HGD: variants seen among roughly 807,000 people sequenced by gnomAD.
HGD encodes the protein homogentisate oxidase.
Under a neutral mutation model 60.8 loss-of-function variants are expected in HGD, and 61 were observed. The observed-to-expected ratio is 1.00, with a 90% confidence interval of 0.82 to 1.24. The LOEUF is 1.24. Among genes scored for constraint, HGD ranks in the 50% most tolerant of loss-of-function variants. HGD has a pLI of 0.00. For synonymous variants in HGD, 212 were observed against 187.7 expected (o/e 1.13, Z -1.06); for missense variants, 542 against 547.1 (o/e 0.99, Z 0.09).
At chr3:120,673,874 A>C (rs1006906239) in intron 3 of HGD, among the ~76,000 whole-genome samples, 3 of 152,208 alleles carry the variant, frequency 2.0e-5, no homozygotes, top group Non-Finnish European at 2.9e-5. Flanking sequence ...TGAAATAGGT[A>C]CCATAATTAT....
chr3:120,665,308 A>G (rs549655485), intron 4 of HGD, among the ~76,000 whole-genome samples: 1 of 152,348 alleles, frequency 6.6e-6, no homozygotes, highest in East Asian at 1.9e-4. Flanking sequence ...ACCAAGAGGT[A>G]ATTTTCTCAG....
At chr3:120,632,302 T>C (rs915853183) in intron 13 of HGD, among the ~76,000 whole-genome samples, 3 of 152,176 alleles carry the variant, frequency 2.0e-5, no homozygotes, top group Non-Finnish European at 4.4e-5. Flanking sequence ...CAGGTAGCAT[T>C]GAAGGCATTT....
chr3:120,669,033 G>A (rs200538659), intron 4 of HGD, among the ~76,000 whole-genome samples: 3 of 152,168 alleles, frequency 2.0e-5, no homozygotes, highest in East Asian at 3.9e-4. Context: ...AAGTAATAAC[G>A]ATAATTAGAG....
At chr3:120,661,372 C>T (rs933114873) in intron 4 of HGD, among the ~76,000 whole-genome samples, 1 of 152,094 alleles carries the variant, frequency 6.6e-6, no homozygotes, top group Non-Finnish European at 1.5e-5. Flanking sequence ...TTGTCTAATC[C>T]CCTTATATTA....
chr3:120,631,023 A>C (rs1298938583), intron 13 of HGD, among the ~76,000 whole-genome samples: 1 of 151,878 alleles, frequency 6.6e-6, no homozygotes, highest in Non-Finnish European at 1.5e-5. Context: ...ATGGGAGCTA[A>C]ATGATGAGAA....
At chr3:120,638,883 A>T (rs1940875278) in intron 11 of HGD, among the ~76,000 whole-genome samples, 1 of 152,194 alleles carries the variant, frequency 6.6e-6, no homozygotes, top group African/African-American at 2.4e-5. Context: ...GTGGGAGGTA[A>T]CTGAATCATG....
chr3:120,649,478 C>A (rs532215083), intron 6 of HGD, among the ~76,000 whole-genome samples: 2 of 152,162 alleles, frequency 1.3e-5, no homozygotes, highest in South Asian at 2.1e-4. Flanking sequence ...AAGAATGACT[C>A]CCTTTTGGGT....
At chr3:120,667,287 C>T (rs1449485665) in intron 4 of HGD, among the ~76,000 whole-genome samples, 2 of 133,758 alleles carry the variant, frequency 1.5e-5, no homozygotes, top group Admixed American at 8.4e-5. Flanking sequence ...GATCACACCA[C>T]TGTACTCCCG....
At chr3:120,650,384 T>C (rs1172524592) in intron 6 of HGD, among the ~76,000 whole-genome samples, 1 of 152,262 alleles carries the variant, frequency 6.6e-6, no homozygotes, top group Non-Finnish European at 1.5e-5. Context: ...TCCTGATGGC[T>C]GTGTCGCAGG....
Position 120,652,669 on chromosome 3 carries a change from A to G in HGD, c.283-18T>C. Reference sequence around the variant, plus strand: ...CATCTAAGCTGGAAAAAAAATACACATACAGAAAAATTACTTCACAAGGGT... The same window carrying G: ...CATCTAAGCTGGAAAAAAAATACACGTACAGAAAAATTACTTCACAAGGGT... On this transcript the variant is annotated intron_variant, in intron 4 of 13. Transcript: ENST00000283871. 3.8e-6 allele frequency: 6 copies of G among 1,578,052 alleles called. No individual in the cohort carries two copies. Among genetic ancestry groups the G allele is most frequent in the Non-Finnish European group, 5.2e-6 (6 of 1,148,034 alleles).
In HGD at chr3:120,628,383, A is replaced by G. The variant is rs187614203; in HGVS notation, c.1335T>C (p.Asn445=). The G allele has an allele frequency of 1.9e-5, 31 of 1,613,856 alleles. No homozygotes were observed. The highest frequency in any genetic ancestry group is 2.7e-5 in the African/African-American group (2 of 74,992). ...TPNSRNPAEP[N] ...TTATGGTAGCAATGTTCCAGTCTCA[A>G]TTAGGTTCTGCTGGGTTCCTGGAGT... Residue 445 remains asparagine, a synonymous_variant, in exon 14 of 14, where the codon AAT becomes AAC. Coordinates refer to ENST00000283871, the MANE Select transcript of HGD (RefSeq NM_000187.4).
intron 10 of HGD, among the ~76,000 whole-genome samples, chr3:120,642,630 C>T (rs1381341396): frequency 1.3e-5 from 2 of 152,180 alleles, no homozygotes; most frequent in South Asian, 2.1e-4. Flanking sequence ...AACAAATACA[C>T]AGTTGGACAG....
chr3:120,681,015 A>C (rs145373557), intron 1 of HGD, among the ~76,000 whole-genome samples: 2,417 of 152,348 alleles, frequency 0.016, 56 homozygotes, highest in African/African-American at 0.055. Context: ...AATGAGAGTT[A>C]ACTTTTAGTC....
intron 9 of HGD, 46 bp downstream of exon 9, chr3:120,646,221 G>A (rs778114509): frequency 8.9e-7 from 1 of 1,121,324 alleles, no homozygotes; most frequent in Non-Finnish European, 1.4e-6. Context: ...AATTATCTGA[G>A]TCCTACATCT....
chr3:120,641,945 A>T (rs1940997367), intron 10 of HGD: 1 of 515,406 alleles, frequency 1.9e-6, no homozygotes, highest in African/African-American at 1.9e-5. Flanking sequence ...TGCAGCAGAA[A>T]CACAGCACAT....
chr3:120,667,930 G>C (rs1426980151), intron 4 of HGD, among the ~76,000 whole-genome samples: 3 of 152,156 alleles, frequency 2.0e-5, no homozygotes, highest in Non-Finnish European at 4.4e-5. Context: ...ACTCAGGAAT[G>C]AGGTGAAGTC....
At chr3:120,667,733 T>A (rs1377423090) in intron 4 of HGD, among the ~76,000 whole-genome samples, 1 of 152,184 alleles carries the variant, frequency 6.6e-6, no homozygotes, top group Non-Finnish European at 1.5e-5. Flanking sequence ...CTCCCCAGCC[T>A]ACCCTGTTAA....
chr3:120,630,634 T>C (rs1940555565), intron 13 of HGD, among the ~76,000 whole-genome samples: 1 of 151,804 alleles, frequency 6.6e-6, no homozygotes, highest in Non-Finnish European at 1.5e-5. Flanking sequence ...TCATGATGGA[T>C]TAAGGACTTA....
rs145635956 is a variant in HGD, at chr3:120,667,153, T to C, written c.282+3274A>G. Among the ~76,000 whole-genome samples, 646 of 151,506 alleles carry C rather than the reference T, an allele frequency of 4.3e-3. 3 individuals carry two copies. The highest frequency in any genetic ancestry group is 0.017 in the Middle Eastern group (5 of 294). ...CAGCCTGAGCAATATGGTAAAACCCTTTCTCTACCAAAAATACAAAAAATT... is the reference window on the plus strand; with the variant it reads ...CAGCCTGAGCAATATGGTAAAACCCCTTCTCTACCAAAAATACAAAAAATT... On this transcript the variant is annotated intron_variant, in intron 4 of 13. Transcript: ENST00000283871.
Sources: gnomAD v4.1 joint callset for allele counts (sites outside exome capture counted in the v4.1 genomes callset) on GRCh38, gnomAD v4.1.1 for gene constraint, MANE v1.5 for transcripts, NCBI Gene and HGNC (gene_info 2026-07-23, HGNC 2026-07-21) for gene names.